Variants in NOL10 observed in about 807,000 individuals in gnomAD.
The protein encoded by NOL10 is H_NH0074G24.1.
Under a neutral mutation model 103.5 loss-of-function variants are expected in NOL10, and 58 were observed. The observed-to-expected ratio is 0.56, with a 90% CI of 0.45 to 0.70. The LOEUF (loss-of-function observed/expected upper bound fraction) is 0.70. Ranked by LOEUF, NOL10 falls within the 30% of genes least tolerant of loss-of-function variation. The pLI is 0.00. For missense variants in NOL10, 763 were observed against 807.3 expected (o/e 0.95, Z 0.67); for synonymous variants, 287 against 282.5 (o/e 1.02, Z -0.16).
chr2:10,623,846 T>C (rs1052738753), intron 13 of NOL10, among the ~76,000 whole-genome samples: 2 of 152,204 alleles, frequency 1.3e-5, no homozygotes, highest in African/African-American at 2.4e-5. Flanking sequence ...TAAGATACTA[T>C]ACGCTATAAA....
chr2:10,683,182 G>C (rs1040124898), intron 2 of NOL10, among the ~76,000 whole-genome samples: 9 of 152,142 alleles, frequency 5.9e-5, no homozygotes, highest in African/African-American at 2.2e-4. Context: ...TGATACCTTA[G>C]GTTTTTAAAG....
intron 1 of NOL10, among the ~76,000 whole-genome samples, 178 bp from the exon 2 acceptor site, chr2:10,684,790 A>AT (rs1483309851): frequency 1.3e-5 from 2 of 151,974 alleles, no homozygotes; most frequent in Admixed American, 6.6e-5. Context: ...TATCTCCTGG[A>AT]TTTTTTTTCT....
At chr2:10,670,746 A>G (rs1680877512) in intron 6 of NOL10, among the ~76,000 whole-genome samples, 1 of 152,140 alleles carries the variant, frequency 6.6e-6, no homozygotes, top group Non-Finnish European at 1.5e-5. Flanking sequence ...AAAAAAGAAA[A>G]TGAAACAAAC....
rs147352831 is a variant in NOL10, at chr2:10,680,134, G to A, written c.211+1837C>T. On this transcript the variant is annotated intron_variant, in intron 3 of 20. Transcript: ENST00000381685. ...TACTAAAAAAATACAGACATTAGCC[G>A]GGTGTGGTGGCGAGCACCTGTAGTC... Among the ~76,000 whole-genome samples, 819 of 151,992 alleles carry A rather than the reference G, an allele frequency of 5.4e-3. 11 individuals carry two copies. Among genetic ancestry groups the A allele is most frequent in the African/African-American group, 0.019 (784 of 41,500 alleles).
intron 3 of NOL10, 44 bp from the exon 4 acceptor site, chr2:10,675,915 A>G (rs1057322043): frequency 9.4e-7 from 1 of 1,069,388 alleles, no homozygotes; most frequent in Non-Finnish European, 1.4e-6. Context: ...ACATACTTTC[A>G]TAGTCAAAAC....
intron 17 of NOL10, among the ~76,000 whole-genome samples, chr2:10,593,645 A>G (rs901330007): frequency 6.6e-6 from 1 of 152,250 alleles, no homozygotes; most frequent in Non-Finnish European, 1.5e-5. Context: ...GAAGCCAGAA[A>G]GAAAGCCTAT....
At chr2:10,579,541 A>T (rs891740538) in intron 19 of NOL10, among the ~76,000 whole-genome samples, 5 of 152,164 alleles carry the variant, frequency 3.3e-5, no homozygotes, top group African/African-American at 1.2e-4. Context: ...AAACGGAATG[A>T]AATGAAGATT....
At chr2:10,605,055 C>T (rs990648669) in intron 14 of NOL10, among the ~76,000 whole-genome samples, 1 of 152,180 alleles carries the variant, frequency 6.6e-6, no homozygotes, top group Admixed American at 6.6e-5. Flanking sequence ...CTCCAGGCAA[C>T]CCTATAGGTT....
chr2:10,657,093 C>T (rs899014532), intron 11 of NOL10, among the ~76,000 whole-genome samples: 9 of 152,170 alleles, frequency 5.9e-5, no homozygotes, highest in African/African-American at 1.7e-4. Flanking sequence ...TCGAGGCAGG[C>T]GGATCATTTG....
Position 10,607,168 on chromosome 2 carries a change from C to T in NOL10, c.1153+17G>A. ...ATAAAGTAATTACATAATATTTCAT[C>T]ACAATTTTTTTTTTACCTAAATTTT... On this transcript the variant is annotated intron_variant, in intron 14 of 20. Coordinates refer to ENST00000381685, the MANE Select transcript of NOL10 (RefSeq NM_024894.4). 6.7e-7 allele frequency: 1 copy of T among 1,495,086 alleles called. No individual in the cohort carries two copies. Among genetic ancestry groups the T allele is most frequent in the Non-Finnish European group, 9.1e-7 (1 of 1,103,876 alleles). The allele number at this position is 1,495,086 out of a possible 1,614,324, so 92.6% of individuals were successfully genotyped here.
chr2:10,678,077 G>T (rs1232404452), intron 3 of NOL10, among the ~76,000 whole-genome samples: 1 of 151,772 alleles, frequency 6.6e-6, no homozygotes. Flanking sequence ...TAGAGACAGG[G>T]TCTCGCTGTT....
chr2:10,593,973 C>T (rs1362083904), intron 17 of NOL10, among the ~76,000 whole-genome samples: 1 of 152,252 alleles, frequency 6.6e-6, no homozygotes. Flanking sequence ...TCACTGCACA[C>T]TGACTGAGGG....
chr2:10,637,615 T>C (rs914130407), intron 13 of NOL10, among the ~76,000 whole-genome samples: 5 of 152,252 alleles, frequency 3.3e-5, no homozygotes, highest in Admixed American at 2.6e-4. Flanking sequence ...AACAACCTTT[T>C]ATTACATTCC....
intron 13 of NOL10, among the ~76,000 whole-genome samples, chr2:10,643,838 A>G (rs1449584684): frequency 6.6e-6 from 1 of 152,262 alleles, no homozygotes; most frequent in Non-Finnish European, 1.5e-5. Flanking sequence ...TTCCCATAAA[A>G]GAATGTTTGA....
At chr2:10,627,699 C>CAAAA (rs111536913) in intron 13 of NOL10, among the ~76,000 whole-genome samples, 117 of 135,182 alleles carry the variant, frequency 8.7e-4, no homozygotes, top group African/African-American at 3.4e-3. Flanking sequence ...AACAAACAAA[C>CAAAA]AAAAAAAAAC....
chr2:10,687,355 C>A (rs992750794), intron 1 of NOL10, among the ~76,000 whole-genome samples: 7 of 151,358 alleles, frequency 4.6e-5, no homozygotes, highest in Non-Finnish European at 2.9e-5. Flanking sequence ...ACACAGGTGA[C>A]CACCACCTCC....
intron 13 of NOL10, among the ~76,000 whole-genome samples, chr2:10,619,719 C>T (rs925383415): frequency 3.9e-5 from 6 of 152,154 alleles, no homozygotes; most frequent in African/African-American, 1.4e-4. Flanking sequence ...CCCCAATCTT[C>T]TTCAAAGTCC....
chr2:10,577,331 C>A (rs1674505053), intron 20 of NOL10, among the ~76,000 whole-genome samples: 1 of 152,184 alleles, frequency 6.6e-6, no homozygotes, highest in Non-Finnish European at 1.5e-5. Context: ...ATAAGCCGCA[C>A]CTGAGGCTAC....
intron 2 of NOL10, among the ~76,000 whole-genome samples, chr2:10,683,786 A>G (rs1558357893): frequency 6.6e-6 from 1 of 152,228 alleles, no homozygotes; most frequent in Non-Finnish European, 1.5e-5. Context: ...GAGACCCAAG[A>G]GGGGAACTGG....
Sources: gnomAD v4.1 joint callset for allele counts (sites outside exome capture counted in the v4.1 genomes callset) on GRCh38, gnomAD v4.1.1 for gene constraint, MANE v1.5 for transcripts, NCBI Gene and HGNC (gene_info 2026-07-23, HGNC 2026-07-21) for gene names.